The following KATNIP variants were observed in gnomAD, a reference collection of about 807,000 sequenced individuals.
KATNIP encodes katanin interacting protein.
Under a neutral mutation model 174.0 loss-of-function variants are expected in KATNIP, and 126 were observed. The observed-to-expected ratio is 0.72, with a 90% CI of 0.63 to 0.84. The LOEUF (loss-of-function observed/expected upper bound fraction) is 0.84. Among genes scored for constraint, KATNIP ranks in the 40% least tolerant of loss-of-function variants. KATNIP has a pLI of 0.00. For synonymous variants in KATNIP, 810 were observed against 835.7 expected, an observed-to-expected ratio of 0.97 and a Z score of 0.53; for missense variants, 1,958 against 2,109.7, an observed-to-expected ratio of 0.93 and a Z score of 1.41.
chr16:27,565,392 G>A (rs1035744066), intron 1 of KATNIP, among the ~76,000 whole-genome samples: 15 of 151,304 alleles, frequency 9.9e-5, no homozygotes, highest in Admixed American at 6.6e-4. Flanking sequence ...CTTGAACCTC[G>A]GAGGCAGAGG....
chr16:27,700,718 C>G (rs533107043), intron 10 of KATNIP, among the ~76,000 whole-genome samples: 26 of 152,188 alleles, frequency 1.7e-4, no homozygotes, highest in Non-Finnish European at 3.5e-4. Flanking sequence ...GATCAAGGAG[C>G]AGGAAGAAGC....
chr16:27,578,164 TAG>T (rs2090567499), intron 2 of KATNIP, among the ~76,000 whole-genome samples: 1 of 152,036 alleles, frequency 6.6e-6, no homozygotes, highest in Admixed American at 6.6e-5. Flanking sequence ...ATGGATTAAG[TAG>T]ACTCTGGCAT....
At chr16:27,650,746 A>AAATACC (rs1423605635) in intron 6 of KATNIP, among the ~76,000 whole-genome samples, 1 of 152,218 alleles carries the variant, frequency 6.6e-6, no homozygotes, top group Admixed American at 6.5e-5. Flanking sequence ...CTTGGTTGTA[A>AAATACC]AATACCCGAG....
intron 3 of KATNIP, among the ~76,000 whole-genome samples, chr16:27,622,364 CT>C (rs1197080738): frequency 3.9e-5 from 6 of 152,178 alleles, no homozygotes. Context: ...TGCCTCACTC[CT>C]GCAGAAACCC....
chr16:27,744,332 C>T (rs920481706), intron 15 of KATNIP, among the ~76,000 whole-genome samples: 2 of 151,868 alleles, frequency 1.3e-5, no homozygotes, highest in East Asian at 1.9e-4. Flanking sequence ...TCAAGACCAG[C>T]GTGGGCAATA....
At position 27,703,925 on chromosome 16, in the gene KATNIP, A is replaced by C. The variant is rs1254667562; in HGVS notation, c.1316A>C (p.Gln439Pro). Residue 439 changes from glutamine (Q) to proline (P), a missense_variant, in exon 12 of 28, where the codon CAG becomes CCG. Physicochemically the swap from Gln to Pro is moderately conservative, Grantham distance 76. Around this residue, in one of 3 missense-constraint regions of KATNIP, gnomAD observed 1,557 missense variants for 1,617.8 expected, o/e 0.96. Coordinates refer to ENST00000261588, the MANE Select transcript of KATNIP (RefSeq NM_015202.5). ...CAGCAGAAGCTTCTGAAAGTCCTCC[A>C]GGCCGTCGAAAGTGACTCTGCCCAT... is the stretch of plus-strand genomic sequence containing the variant. ...RQQQKLLKVL[Q>P]AVESDSAHLG... 1.2e-6 allele frequency: 2 copies of C among 1,614,134 alleles called. No individual in the cohort carries two copies. Among genetic ancestry groups the C allele is most frequent in the Admixed American group, 3.3e-5 (2 of 60,012 alleles).
At chr16:27,660,162 C>T (rs1447857145) in intron 6 of KATNIP, 3 of 178,188 alleles carry the variant, frequency 1.7e-5, no homozygotes, top group Non-Finnish European at 3.3e-5. Context: ...CCTCCTTTAA[C>T]AAGAAGCGGT....
chr16:27,768,584 C>G (rs563912855), intron 20 of KATNIP, among the ~76,000 whole-genome samples: 1 of 152,302 alleles, frequency 6.6e-6, no homozygotes, highest in Non-Finnish European at 1.5e-5. Context: ...CAGCAAAACC[C>G]CAGGAGTCAT....
At chr16:27,752,591 G>A (rs931707382) in intron 17 of KATNIP, among the ~76,000 whole-genome samples, 5 of 152,064 alleles carry the variant, frequency 3.3e-5, no homozygotes, top group African/African-American at 4.8e-5. Flanking sequence ...TGGCACTGTC[G>A]CCCAGGCTGG....
intron 14 of KATNIP, chr16:27,727,243 C>T: frequency 4.4e-6 from 1 of 228,446 alleles, no homozygotes; most frequent in Non-Finnish European, 9.7e-6. Context: ...GGCTGGAGTG[C>T]AGTGGCGTGA....
chr16:27,628,601 G>C, intron 3 of KATNIP, 60 bp from the exon 4 acceptor site: 5 of 1,563,442 alleles, frequency 3.2e-6, no homozygotes, highest in Non-Finnish European at 4.4e-6. Context: ...CCTGGCTTGG[G>C]GGTACAGCAG....
At chr16:27,674,375 A>T (rs980874986) in intron 6 of KATNIP, among the ~76,000 whole-genome samples, 4 of 152,228 alleles carry the variant, frequency 2.6e-5, no homozygotes, top group Non-Finnish European at 2.9e-5. Flanking sequence ...ATAATAATAA[A>T]AAATAAAATC....
At chr16:27,569,291 G>A (rs2141666890) in intron 1 of KATNIP, among the ~76,000 whole-genome samples, 1 of 152,324 alleles carries the variant, frequency 6.6e-6, no homozygotes, top group Non-Finnish European at 1.5e-5. Flanking sequence ...AGAGCAAAGT[G>A]TCAGAATGTG....
intron 14 of KATNIP, 138 bp from the exon 15 acceptor site, chr16:27,739,903 C>G (rs1597344070): frequency 1.2e-6 from 1 of 857,018 alleles, no homozygotes; most frequent in South Asian, 1.8e-5. Flanking sequence ...TTTCACACCC[C>G]CAGCACTGTG....
intron 1 of KATNIP, among the ~76,000 whole-genome samples, chr16:27,550,568 G>A (rs2089307778): frequency 6.6e-6 from 1 of 152,162 alleles, no homozygotes; most frequent in Admixed American, 6.5e-5. Flanking sequence ...CTGGGAAAGG[G>A]AATTGGTGTG....
intron 2 of KATNIP, among the ~76,000 whole-genome samples, chr16:27,609,813 T>C (rs1479929385): frequency 6.6e-6 from 1 of 151,732 alleles, no homozygotes; most frequent in Non-Finnish European, 1.5e-5. Flanking sequence ...TGCCTCAGCC[T>C]CCCGTGTAGC....
chr16:27,572,399 A>ACACACACG (rs1555510773), intron 1 of KATNIP, among the ~76,000 whole-genome samples: 1 of 151,012 alleles, frequency 6.6e-6, no homozygotes, highest in Non-Finnish European at 1.5e-5. Context: ...ACACACACAC[A>ACACACACG]ATGAAGACAA....
chr16:27,632,249 G>C (rs778118568), intron 5 of KATNIP, among the ~76,000 whole-genome samples: 2 of 152,222 alleles, frequency 1.3e-5, no homozygotes, highest in Non-Finnish European at 2.9e-5. Flanking sequence ...TCTCAGAAAG[G>C]GTGGCAGCCT....
intron 5 of KATNIP, among the ~76,000 whole-genome samples, chr16:27,638,781 G>A (rs1460319124): frequency 6.7e-6 from 1 of 150,276 alleles, no homozygotes; most frequent in Non-Finnish European, 1.5e-5. Context: ...AGTCCACACA[G>A]CCCCCTTGCC....
Sources: allele counts gnomAD v4.1 joint callset (sites outside exome capture counted in the v4.1 genomes callset), GRCh38; gene constraint gnomAD v4.1.1; regional missense constraint gnomAD v4.1.1; transcripts MANE v1.5; gene names NCBI Gene and HGNC (gene_info 2026-07-23, HGNC 2026-07-21).